Variants in STYXL2 observed in about 807,000 individuals in gnomAD.
STYXL2 encodes the protein serine/threonine/tyrosine interacting like 2.
STYXL2 carries 44 observed loss-of-function variants against 52.4 expected under a neutral mutation model. The observed-to-expected ratio is 0.84, with a 90% CI of 0.66 to 1.08. The LOEUF (loss-of-function observed/expected upper bound fraction) is 1.08, where lower values mean the gene tolerates loss of function less well. Ranked by LOEUF, STYXL2 falls within the 50% of genes least tolerant of loss-of-function variation. The pLI, the probability that STYXL2 is intolerant of heterozygous loss-of-function variation, is 0.00. For synonymous variants in STYXL2, 604 were observed against 586.9 expected, an observed-to-expected ratio of 1.03 and a Z score of -0.42; for missense variants, 1,604 against 1,471.7, an observed-to-expected ratio of 1.09 and a Z score of -1.47.
chr1:167,122,966 T>C (rs1667889806), intron 5 of STYXL2, among the ~76,000 whole-genome samples: 1 of 152,190 alleles, frequency 6.6e-6, no homozygotes, highest in African/African-American at 2.4e-5. Context: ...GCACCCAGCC[T>C]GTACTTTCCA....
intron 3 of STYXL2, among the ~76,000 whole-genome samples, chr1:167,115,416 G>C (rs1437077177): frequency 6.6e-6 from 1 of 152,216 alleles, no homozygotes; most frequent in Non-Finnish European, 1.5e-5. Flanking sequence ...ATTGATGCAG[G>C]GAGAGAGGCA....
In STYXL2 at chr1:167,126,198, A is replaced by T; in HGVS notation, c.1067A>T (p.Lys356Met). Residue 356 changes from lysine to methionine, a missense_variant, in exon 6 of 6, where the codon AAG becomes ATG. By Grantham distance (95) the Lys-to-Met change is moderately conservative (BLOSUM62 -1). Transcript: ENST00000361200. Reference sequence around the variant, plus strand: ...GAGAAACTGTACGAGCAGTGGAAGAAGGGGCAGGGCCTCCTCTCAGACAAG... The same window carrying T: ...GAGAAACTGTACGAGCAGTGGAAGATGGGGCAGGGCCTCCTCTCAGACAAG... ...EEEKLYEQWK[K>M]GQGLLSDKVP... 2.6e-6 allele frequency: 4 copies of T among 1,526,100 alleles called. No individual in the cohort carries two copies. In the South Asian group the frequency reaches 5.3e-5, roughly 20 times the overall value. 94.5% of individuals were successfully genotyped at this position (1,526,100 alleles called of 1,614,324 possible).
chr1:167,111,467 TAC>T (rs201246721), intron 2 of STYXL2, among the ~76,000 whole-genome samples: 55 of 98,730 alleles, frequency 5.6e-4, no homozygotes, highest in South Asian at 2.2e-3. Context: ...GAAAATATGG[TAC>T]ATATATATAT....
chr1:167,118,594 G>A lies in STYXL2; in HGVS notation c.438-655G>A, dbSNP rs1323820129. ...CATCGCCAGGTATCCTCAGCTAAAA[G>A]CTTTTGTTCCTTCTCGGACAACCTG... On this transcript the variant is annotated intron_variant, in intron 4 of 5. Coordinates refer to ENST00000361200, the MANE Select transcript of STYXL2 (RefSeq NM_001080426.3). 1.3e-5 allele frequency among the ~76,000 whole-genome samples: 2 copies of A among 152,178 alleles called. 1 individual carries two copies. The highest frequency in any genetic ancestry group is 3.8e-4 in the East Asian group (2 of 5,196).
intron 2 of STYXL2, among the ~76,000 whole-genome samples, chr1:167,102,768 G>T (rs1422884872): frequency 1.3e-5 from 2 of 152,142 alleles, no homozygotes; most frequent in East Asian, 3.9e-4. Context: ...CTTGATAAGT[G>T]CCTGAAATTC....
rs377028650 is a variant in STYXL2, at chr1:167,127,872, C to T, written c.2741C>T (p.Ser914Phe). Residue 914 changes from serine to phenylalanine, a missense_variant, in exon 6 of 6, where the codon TCC (serine) becomes TTC (phenylalanine). Ser to Phe is a radical substitution (Grantham distance 155). Transcript: ENST00000361200. Reference sequence around the variant, plus strand: ...AAACCTGAAACAGACACATGCTCCTCCCTGGCTGTCTGTGATCACTATGCA... The same window carrying T: ...AAACCTGAAACAGACACATGCTCCTTCCTGGCTGTCTGTGATCACTATGCA... ...SQKPETDTCSSLAVCDHYASG... is the reference protein window; with the variant it reads ...SQKPETDTCSFLAVCDHYASG... 2.3e-5 allele frequency: 37 copies of T among 1,613,932 alleles called. No homozygotes were observed. The highest frequency in any genetic ancestry group is 1.1e-4 in the East Asian group (5 of 44,880).
In STYXL2 at chr1:167,126,336, G is replaced by C; in HGVS notation, c.1205G>C (p.Arg402Thr). Reference sequence around the variant, plus strand: ...CAGGAGTGGCAGAGCCGAAACGAGAGGTACCAAGCAGAAGGGTACCGGAGG... The same window carrying C: ...CAGGAGTGGCAGAGCCGAAACGAGACGTACCAAGCAGAAGGGTACCGGAGG... ...IIQEWQSRNE[R>T]YQAEGYRRWG... Residue 402 changes from arginine to threonine, a missense_variant, in exon 6 of 6, where the codon AGG becomes ACG. Coordinates refer to ENST00000361200, the MANE Select transcript of STYXL2 (RefSeq NM_001080426.3). 1 of 1,522,588 alleles carries C rather than the reference G, an allele frequency of 6.6e-7. No homozygotes were observed. The highest frequency in any genetic ancestry group is 8.8e-7 in the Non-Finnish European group (1 of 1,132,582). The allele number at this position is 1,522,588 out of a possible 1,614,324, so 94.3% of individuals were successfully genotyped here.
At chr1:167,116,291 A>G (rs1479671771) in intron 3 of STYXL2, among the ~76,000 whole-genome samples, 3 of 152,144 alleles carry the variant, frequency 2.0e-5, no homozygotes, top group Admixed American at 1.3e-4. Flanking sequence ...ATGTGAGTGA[A>G]TTGGGGTTTG....
At chr1:167,106,688 A>G (rs1466227283) in intron 2 of STYXL2, among the ~76,000 whole-genome samples, 5 of 152,212 alleles carry the variant, frequency 3.3e-5, no homozygotes, top group African/African-American at 2.4e-5. Context: ...AAATATTGTC[A>G]TATGAAAACT....
At chr1:167,105,559 C>G (rs559391978) in intron 2 of STYXL2, among the ~76,000 whole-genome samples, 1 of 152,268 alleles carries the variant, frequency 6.6e-6, no homozygotes, top group Non-Finnish European at 1.5e-5. Context: ...GGGCTGCCAT[C>G]TCACTGACCT....
chr1:167,102,565 C>G (rs1571332386), intron 2 of STYXL2, among the ~76,000 whole-genome samples: 1 of 152,158 alleles, frequency 6.6e-6, no homozygotes, highest in Non-Finnish European at 1.5e-5. Context: ...CCTTTTCCTT[C>G]CAGAAAAAGA....
Position 167,126,857 on chromosome 1 carries a change from G to C in STYXL2, c.1726G>C (p.Val576Leu). 6.2e-7 allele frequency: 1 copy of C among 1,614,096 alleles called. No homozygotes were observed. Among genetic ancestry groups the C allele is most frequent in the Non-Finnish European group, 8.5e-7 (1 of 1,179,964 alleles). Reference sequence around the variant, plus strand: ...CGGTGAGCCCGGTGCAGAGGAGGCAGTAGGGGAGAAGAACCCCTCCGACGT... The same window carrying C: ...CGGTGAGCCCGGTGCAGAGGAGGCACTAGGGGAGAAGAACCCCTCCGACGT... ...SSGEPGAEEA[V>L]GEKNPSDVSL... Residue 576 changes from valine to leucine, a missense_variant, in exon 6 of 6, where the codon GTA becomes CTA. Val to Leu is a conservative substitution (Grantham distance 32). Coordinates refer to ENST00000361200, the MANE Select transcript of STYXL2 (RefSeq NM_001080426.3).
At chr1:167,106,737 G>A (rs769471208) in intron 2 of STYXL2, among the ~76,000 whole-genome samples, 5 of 152,074 alleles carry the variant, frequency 3.3e-5, no homozygotes, top group South Asian at 2.1e-4. Flanking sequence ...TGTCCACCAG[G>A]TCTGTTATAG....
chr1:167,111,063 G>T (rs1327988654), intron 2 of STYXL2, among the ~76,000 whole-genome samples: 2 of 152,084 alleles, frequency 1.3e-5, no homozygotes, highest in Middle Eastern at 3.2e-3. Context: ...AAGAAAAAAA[G>T]AATTTTTGAA....
Position 167,094,882 on chromosome 1 carries a change from G to C in STYXL2, c.33G>C (p.Gln11His), listed in dbSNP as rs1341038710. The C allele has an allele frequency of 7.4e-6, 12 of 1,613,348 alleles. No individual in the cohort carries two copies. Among genetic ancestry groups the C allele is most frequent in the South Asian group, 2.2e-5 (2 of 90,826 alleles). Residue 11 changes from glutamine to histidine, a missense_variant, in exon 2 of 6, where the codon CAG (glutamine) becomes CAC (histidine). By Grantham distance (24) the Gln-to-His change is conservative. Coordinates refer to ENST00000361200, the MANE Select transcript of STYXL2 (RefSeq NM_001080426.3). ...CCAGAAAGGACACAGAGGAGGAGCA[G>C]GTAGTCCCAAGCGAGGAGGACGAAG... is the stretch of plus-strand genomic sequence containing the variant. MATRKDTEEE[Q>H]VVPSEEDEAN... is the part of the protein sequence containing the mutation.
chr1:167,117,632 C>T (rs890337509), intron 4 of STYXL2, 73 bp downstream of exon 4: 1 of 1,369,422 alleles, frequency 7.3e-7, no homozygotes, highest in Admixed American at 2.1e-5. Context: ...GAAACTCCCC[C>T]AACTTTCACC....
At chr1:167,109,609 C>G (rs1475793366) in intron 2 of STYXL2, among the ~76,000 whole-genome samples, 1 of 152,144 alleles carries the variant, frequency 6.6e-6, no homozygotes, top group Non-Finnish European at 1.5e-5. Flanking sequence ...TAGCCAAAGA[C>G]AAAAGACATA....
intron 5 of STYXL2, among the ~76,000 whole-genome samples, chr1:167,124,125 G>A (rs150651664): frequency 2.4e-4 from 37 of 151,942 alleles, no homozygotes; most frequent in African/African-American, 8.5e-4. Context: ...TTGCCAGGCC[G>A]GTCTCAAACT....
intron 2 of STYXL2, among the ~76,000 whole-genome samples, chr1:167,111,051 C>G (rs1436350511): frequency 6.6e-6 from 1 of 151,718 alleles, no homozygotes; most frequent in Non-Finnish European, 1.5e-5. Flanking sequence ...CCAACAAAGA[C>G]AAAGAAAAAA....
Sources: allele counts gnomAD v4.1 joint callset (sites outside exome capture counted in the v4.1 genomes callset), GRCh38; gene constraint gnomAD v4.1.1; transcripts MANE v1.5; gene names NCBI Gene and HGNC (gene_info 2026-07-23, HGNC 2026-07-21).